Variants in HOXB6 observed in about 807,000 individuals in gnomAD.
HOXB6 encodes homeobox B6.
A neutral mutation model predicts 24.2 loss-of-function variants in HOXB6; 18 were observed. The ratio of observed to expected loss-of-function variants is 0.74; its 90% confidence interval spans 0.51 to 1.10. HOXB6 has a LOEUF of 1.10. Among genes scored for constraint, HOXB6 ranks in the 50% least tolerant of loss-of-function variants. HOXB6 has a pLI of 0.00. For missense variants in HOXB6, 332 were observed against 308.3 expected, an observed-to-expected ratio of 1.08 and a Z score of -0.58; for synonymous variants, 159 against 139.1, an observed-to-expected ratio of 1.14 and a Z score of -1.01.
intron 2 of HOXB6, chr17:48,600,550 T>C: frequency 2.2e-6 from 1 of 455,368 alleles, no homozygotes. Flanking sequence ...CCAGAGGTAT[T>C]TATGAGCGTT....
chr17:48,597,702 A>T, intron 3 of HOXB6, 34 bp downstream of exon 3: 3 of 1,602,502 alleles, frequency 1.9e-6, no homozygotes, highest in Middle Eastern at 1.7e-4. Context: ...CGCCCAGGGG[A>T]GCCGGGGCGA....
intron 3 of HOXB6, chr17:48,597,005 TC>T: frequency 9.6e-6 from 5 of 519,642 alleles, no homozygotes; most frequent in South Asian, 4.4e-5. Flanking sequence ...CCCCCCGTCA[TC>T]CCCCCAACCC....
intron 2 of HOXB6, chr17:48,600,586 A>G (rs1225840349): frequency 2.2e-6 from 1 of 453,500 alleles, no homozygotes; most frequent in Non-Finnish European, 4.4e-6. Flanking sequence ...TTTGTTTGGG[A>G]AAAAGAGCAG....
Position 48,596,083 on chromosome 17 carries a change from C to T in HOXB6, c.*330G>A, listed in dbSNP as rs1367322793. ...GGGACATGGACAAAATGAGACGCGACAGGGACAAGAGCATTTTGCTCTGCT... is the reference window on the plus strand; with the variant it reads ...GGGACATGGACAAAATGAGACGCGATAGGGACAAGAGCATTTTGCTCTGCT... On this transcript the variant is annotated 3_prime_UTR_variant, in exon 4 of 4. Transcript: ENST00000225648. This position sits in a 1 kb window ranked among gnomAD's most constrained non-coding sequence, Gnocchi z 4.8. The T allele has an allele frequency of 1.9e-6, 1 of 532,098 alleles. No individual in the cohort carries two copies. 33.0% of individuals were successfully genotyped at this position (532,098 alleles called of 1,614,324 possible).
At position 48,596,755 on chromosome 17, in the gene HOXB6, C is replaced by A; in HGVS notation, c.416-83G>T. The A allele has an allele frequency of 6.3e-7, 1 of 1,576,622 alleles. No homozygotes were observed. Among genetic ancestry groups the A allele is most frequent in the Non-Finnish European group, 8.6e-7 (1 of 1,162,624 alleles). On this transcript the variant is annotated intron_variant, in intron 3 of 3. Coordinates refer to ENST00000225648, the MANE Select transcript of HOXB6 (RefSeq NM_018952.5). The surrounding 1 kb of genome is among the most constrained non-coding windows in gnomAD (Gnocchi z 4.8). ...CCTAGTCGACCCTCGAACACAGACT[C>A]CAGCCAGTACCGGGATGCCCTCTAT... is the stretch of plus-strand genomic sequence containing the variant.
intron 2 of HOXB6, among the ~76,000 whole-genome samples, chr17:48,600,162 T>C (rs530854045): frequency 1.3e-5 from 2 of 152,244 alleles, no homozygotes; most frequent in Admixed American, 6.5e-5. Context: ...CTGGGCTTGC[T>C]TCTAGAGAGG....
chr17:48,599,594 T>A (rs1477792234), intron 2 of HOXB6, among the ~76,000 whole-genome samples: 2 of 152,222 alleles, frequency 1.3e-5, no homozygotes, highest in Non-Finnish European at 2.9e-5. Context: ...ACCCCGTGTT[T>A]GTATCATCAG....
intron 2 of HOXB6, among the ~76,000 whole-genome samples, chr17:48,599,318 G>A (rs71377378): frequency 1.6e-3 from 237 of 152,340 alleles, no homozygotes; most frequent in African/African-American, 5.2e-3. Flanking sequence ...TCTTCTTCCA[G>A]TTGTGGGCTT....
In HOXB6 at chr17:48,604,883, T is replaced by C. The variant is rs1047913209; in HGVS notation, c.-236A>G. Reference sequence around the variant, plus strand: ...TCACCCCCCTCTCTCGTCCTCTCTCTCTTTTGCTCTATCGAGCTGATACTG... The same window carrying C: ...TCACCCCCCTCTCTCGTCCTCTCTCCCTTTTGCTCTATCGAGCTGATACTG... On this transcript the variant is annotated 5_prime_UTR_variant, in exon 1 of 4. Coordinates refer to ENST00000225648, the MANE Select transcript of HOXB6 (RefSeq NM_018952.5). 2 of 150,842 alleles carry C rather than the reference T, an allele frequency of 1.3e-5. No homozygotes were observed. The highest frequency in any genetic ancestry group is 3.0e-5 in the Non-Finnish European group (2 of 67,602). The allele number at this position is 150,842 out of a possible 1,614,324, so 9.3% of individuals were successfully genotyped here. A position where few individuals can be genotyped will look rare whatever the true frequency, so the allele number is the denominator to read the frequency against.
At position 48,598,146 on chromosome 17, in the gene HOXB6, C is replaced by T. The variant is rs2070367386; in HGVS notation, c.5G>A (p.Ser2Asn). The T allele has an allele frequency of 2.5e-6, 4 of 1,584,606 alleles. No homozygotes were observed. The highest frequency in any genetic ancestry group is 4.5e-5 in the East Asian group (2 of 44,218). MSSYFVNSTFPV... is the reference protein window; with the variant it reads MNSYFVNSTFPV... ...GAAGGTGGAGTTCACGAAATAGGAA[C>T]TCATTGGGAGGGGAGGCGCGCGCGG... is the stretch of plus-strand genomic sequence containing the variant. Residue 2 changes from serine to asparagine, a missense_variant, in exon 3 of 4, where the codon AGT becomes AAT. By Grantham distance (46) the Ser-to-Asn change is conservative. Coordinates refer to ENST00000225648, the MANE Select transcript of HOXB6 (RefSeq NM_018952.5).
chr17:48,597,863 C>A lies in HOXB6; in HGVS notation c.288G>T (p.Gln96His). 1.3e-6 allele frequency: 2 copies of A among 1,594,898 alleles called. No individual in the cohort carries two copies. Among genetic ancestry groups the A allele is most frequent in the Non-Finnish European group, 8.5e-7 (1 of 1,169,890 alleles). The change falls in exon 3 of 4, where the codon CAG becomes CAT. Residue 96 changes from glutamine (Q) to histidine (H), a missense_variant. By Grantham distance (24) the Gln-to-His change is conservative (BLOSUM62 0). Transcript: ENST00000225648. ...TCCGCGGCTCGGGGTGGAACGGGGG[C>A]TGCTCGTCGGCGCCGGAGAGTGCGC... ...SACALSGADE[Q>H]PPFHPEPRKS...
chr17:48,596,258 G>C lies in HOXB6; in HGVS notation c.*155C>G. 8.6e-7 allele frequency: 1 copy of C among 1,158,804 alleles called. No homozygotes were observed. Among genetic ancestry groups the C allele is most frequent in the East Asian group, 2.3e-5 (1 of 42,678 alleles). 71.8% of individuals were successfully genotyped at this position (1,158,804 alleles called of 1,614,324 possible). On this transcript the variant is annotated 3_prime_UTR_variant, in exon 4 of 4. Transcript: ENST00000225648. This position sits in a 1 kb window ranked among gnomAD's most constrained non-coding sequence, Gnocchi z 4.8. ...AGCACCCGCCGGGAGCTGTGCGGGC[G>C]GGGGCGTCCAGGAGAGCGCTGGGCC... is the stretch of plus-strand genomic sequence containing the variant.
chr17:48,602,664 G>A, intron 2 of HOXB6: 1 of 179,570 alleles, frequency 5.6e-6, no homozygotes, highest in Non-Finnish European at 1.2e-5. Context: ...CGAATCCCGT[G>A]GACCCTGCGA....
chr17:48,599,745 G>A (rs191954649), intron 2 of HOXB6, among the ~76,000 whole-genome samples: 1 of 152,344 alleles, frequency 6.6e-6, no homozygotes, highest in Non-Finnish European at 1.5e-5. Flanking sequence ...CACAGGCCAA[G>A]TAGTGAAGGG....
At position 48,598,042 on chromosome 17, in the gene HOXB6, T is replaced by C; in HGVS notation, c.109A>G (p.Arg37Gly). ...GGCCCGTAGGGCGCGGGGTAATGTCTCAGCGGGTCCGCATAGCCCGACGAA... is the reference window on the plus strand; with the variant it reads ...GGCCCGTAGGGCGCGGGGTAATGTCCCAGCGGGTCCGCATAGCCCGACGAA... Reference protein sequence around the residue: ...LYSSGYADPLRHYPAPYGPGP... With the variant: ...LYSSGYADPLGHYPAPYGPGP... Residue 37 changes from arginine to glycine, a missense_variant, in exon 3 of 4, where the codon AGA (arginine) becomes GGA (glycine). Physicochemically the swap from Arg to Gly is moderately radical, Grantham distance 125. Transcript: ENST00000225648. The C allele has an allele frequency of 6.2e-7, 1 of 1,601,202 alleles. No individual in the cohort carries two copies. Among genetic ancestry groups the C allele is most frequent in the Non-Finnish European group, 8.5e-7 (1 of 1,174,398 alleles).
intron 3 of HOXB6, chr17:48,597,001 G>GGGC: frequency 1.8e-6 from 1 of 570,304 alleles, no homozygotes; most frequent in Non-Finnish European, 2.5e-6. Flanking sequence ...CCCACCCCCC[G>GGGC]TCATCCCCCC....
chr17:48,598,868 G>A (rs1242196723), intron 2 of HOXB6, among the ~76,000 whole-genome samples: 1 of 152,144 alleles, frequency 6.6e-6, no homozygotes. Context: ...TATTGTTCCT[G>A]CTTCTCCACA....
intron 2 of HOXB6, chr17:48,600,517 C>T (rs748869604): frequency 2.2e-5 from 10 of 455,762 alleles, no homozygotes; most frequent in Middle Eastern, 3.5e-4. Context: ...AAGAAAATAG[C>T]GCCTCATCGC....
rs760882047 is a variant in HOXB6, at chr17:48,601,015, T to TGTGTGTG, written c.-78-2788_-78-2787insCACACAC. On this transcript the variant is annotated intron_variant, in intron 2 of 3. Transcript: ENST00000225648. ...GCGTGTGTGTGTGTGTGTGTGTGTG[T>TGTGTGTG]GTGTGGTGTGGTGTGGTGTGTGTGG... Among the ~76,000 whole-genome samples the TGTGTGTG allele has an allele frequency of 9.8e-3, 1,455 of 149,136 alleles. 7 individuals are homozygous for TGTGTGTG. Among genetic ancestry groups the TGTGTGTG allele is most frequent in the Non-Finnish European group, 0.014 (976 of 67,738 alleles).
Sources: gnomAD v4.1 joint callset for allele counts (sites outside exome capture counted in the v4.1 genomes callset) on GRCh38, gnomAD v4.1.1 for gene constraint, Gnocchi (gnomAD v3.1) non-coding constraint, MANE v1.5 for transcripts, NCBI Gene and HGNC (gene_info 2026-07-23, HGNC 2026-07-21) for gene names.